The following ANO2 variants were observed in gnomAD, a reference collection of about 807,000 sequenced individuals.
ANO2 encodes anoctamin-2.
A neutral mutation model predicts 124.2 loss-of-function variants in ANO2; 101 were observed. That is an observed-to-expected ratio of 0.81 (90% CI 0.69 to 0.96). ANO2 has a LOEUF of 0.96. Ranked by LOEUF, ANO2 falls within the 40% of genes least tolerant of loss-of-function variation. ANO2 has a pLI of 0.00. For synonymous variants in ANO2, 486 were observed against 482.5 expected, an observed-to-expected ratio of 1.01 and a Z score of -0.09; for missense variants, 1,293 against 1,274.5, an observed-to-expected ratio of 1.01 and a Z score of -0.22.
intron 10 of ANO2, among the ~76,000 whole-genome samples, chr12:5,780,197 A>G (rs1426134960): frequency 2.0e-5 from 3 of 152,210 alleles, no homozygotes; most frequent in South Asian, 4.1e-4. Flanking sequence ...ATATACCTCT[A>G]TGCATATATT....
chr12:5,662,376 T>C (rs1263348727), intron 14 of ANO2, among the ~76,000 whole-genome samples: 1 of 152,088 alleles, frequency 6.6e-6, no homozygotes, highest in African/African-American at 2.4e-5. Context: ...CCAGGCTTCT[T>C]AGTGTGAAAA....
At chr12:5,578,316 C>G (rs757753138) in intron 21 of ANO2, 50 bp downstream of exon 21, 2 of 1,590,934 alleles carry the variant, frequency 1.3e-6, no homozygotes, top group Non-Finnish European at 8.6e-7. Flanking sequence ...CCAGAGGGGA[C>G]AGAATGGCAG....
intron 10 of ANO2, among the ~76,000 whole-genome samples, chr12:5,772,507 T>C (rs1952113074): frequency 1.3e-5 from 2 of 152,222 alleles, no homozygotes; most frequent in Non-Finnish European, 2.9e-5. Flanking sequence ...CATGTGAAAA[T>C]AGTAGATTTT....
At chr12:5,618,722 G>A (rs1944963926) in intron 16 of ANO2, among the ~76,000 whole-genome samples, 1 of 152,134 alleles carries the variant, frequency 6.6e-6, no homozygotes, top group Non-Finnish European at 1.5e-5. Flanking sequence ...TACTTGGCAG[G>A]TCACATTCAT....
chr12:5,724,784 G>C (rs1050067896), intron 14 of ANO2, among the ~76,000 whole-genome samples: 1 of 152,128 alleles, frequency 6.6e-6, no homozygotes, highest in Non-Finnish European at 1.5e-5. Context: ...GAGCACTGCA[G>C]GTGGCTTAGG....
chr12:5,922,610 C>CCCTAAA lies in ANO2; in HGVS notation c.207+9_207+10insTTTAGG. ...CCTATCCCCCCACCCCACCCCCGCC[C>CCCTAAA]AGTACTCACAGAGCTGCTGCGGGTG... On this transcript the variant is annotated intron_variant, in intron 2 of 24. Transcript: ENST00000682330. The CCCTAAA allele has an allele frequency of 2.0e-6, 3 of 1,525,496 alleles. No individual in the cohort carries two copies. Among genetic ancestry groups the CCCTAAA allele is most frequent in the Non-Finnish European group, 2.6e-6 (3 of 1,136,234 alleles). 94.5% of individuals were successfully genotyped at this position (1,525,496 alleles called of 1,614,324 possible).
At chr12:5,630,453 A>G (rs1945660460) in intron 16 of ANO2, among the ~76,000 whole-genome samples, 3 of 152,178 alleles carry the variant, frequency 2.0e-5, no homozygotes, top group Non-Finnish European at 4.4e-5. Context: ...GGAAACTTCA[A>G]GTCTCCTGAT....
chr12:5,666,176 G>T (rs1414520132), intron 14 of ANO2, among the ~76,000 whole-genome samples: 1 of 152,172 alleles, frequency 6.6e-6, no homozygotes, highest in East Asian at 1.9e-4. Context: ...GAAGGTTGAG[G>T]CTGGGAAAGA....
intron 7 of ANO2, among the ~76,000 whole-genome samples, chr12:5,825,843 C>T (rs1459504858): frequency 6.6e-6 from 1 of 152,152 alleles, no homozygotes; most frequent in Non-Finnish European, 1.5e-5. Flanking sequence ...ATGGCCCAGA[C>T]CCCTCAGGAA....
intron 17 of ANO2, among the ~76,000 whole-genome samples, chr12:5,613,227 GTA>G (rs796702972): frequency 7.2e-5 from 11 of 152,230 alleles, no homozygotes; most frequent in African/African-American, 2.6e-4. Flanking sequence ...GTGTGTGCGT[GTA>G]TGTGTGTGTG....
chr12:5,624,120 C>G (rs1185879409), intron 16 of ANO2, among the ~76,000 whole-genome samples: 1 of 152,174 alleles, frequency 6.6e-6, no homozygotes, highest in Non-Finnish European at 1.5e-5. Flanking sequence ...AAAGGTAACT[C>G]TTGCCCCTAT....
intron 4 of ANO2, among the ~76,000 whole-genome samples, chr12:5,847,835 T>C (rs1474375236): frequency 2.0e-5 from 3 of 152,226 alleles, no homozygotes; most frequent in Non-Finnish European, 2.9e-5. Context: ...CACTGATAAA[T>C]AATGCTTAAT....
At position 5,578,358 on chromosome 12, in the gene ANO2, G is replaced by A. The variant is rs79300954; in HGVS notation, c.2386+8C>T. 5.8e-4 allele frequency: 939 copies of A among 1,612,820 alleles called. 12 individuals carry two copies. In the East Asian group the frequency reaches 0.017, roughly 29 times the overall value. On this transcript the variant is annotated splice_region_variant and intron_variant, in intron 21 of 24. Coordinates refer to ENST00000682330, the MANE Select transcript of ANO2 (RefSeq NM_001364791.2). ...GGGCCTGGTGGGGCCTCTAAGTGGG[G>A]CACGTACCGATATCTTTGGTTCTTA...
intron 3 of ANO2, 54 bp from the exon 4 acceptor site, chr12:5,854,195 A>C: frequency 1.3e-6 from 2 of 1,504,224 alleles, no homozygotes; most frequent in Non-Finnish European, 1.8e-6. Context: ...CATAGCTTAA[A>C]CTCCTGGTTC....
At chr12:5,765,973 C>A (rs916921774) in intron 10 of ANO2, among the ~76,000 whole-genome samples, 2 of 152,178 alleles carry the variant, frequency 1.3e-5, no homozygotes, top group Admixed American at 1.3e-4. Context: ...CCTTAATCAT[C>A]AGGGAAATAC....
intron 14 of ANO2, among the ~76,000 whole-genome samples, chr12:5,680,132 T>C (rs1948428824): frequency 6.6e-6 from 1 of 152,134 alleles, no homozygotes; most frequent in Non-Finnish European, 1.5e-5. Flanking sequence ...CTGGGGCCTG[T>C]TGGTGGTGGT....
chr12:5,582,825 G>A (rs985184258), intron 20 of ANO2, among the ~76,000 whole-genome samples: 3 of 151,986 alleles, frequency 2.0e-5, no homozygotes, highest in Non-Finnish European at 2.9e-5. Flanking sequence ...TCTTCTGGTC[G>A]GCTGAGTAGG....
chr12:5,615,526 GTCC>G (rs1796437154), intron 16 of ANO2, among the ~76,000 whole-genome samples: 2 of 152,070 alleles, frequency 1.3e-5, no homozygotes, highest in African/African-American at 4.8e-5. Flanking sequence ...GTCTTTCTCC[GTCC>G]ACCTTCCTCC....
intron 5 of ANO2, 114 bp downstream of exon 5, chr12:5,832,338 C>T: frequency 8.1e-7 from 1 of 1,238,288 alleles, no homozygotes; most frequent in Non-Finnish European, 1.1e-6. Context: ...CCTACTCTCT[C>T]TCCCAGGCAC....
Sources: gnomAD v4.1 joint callset for allele counts (sites outside exome capture counted in the v4.1 genomes callset) on GRCh38, gnomAD v4.1.1 for gene constraint, MANE v1.5 for transcripts, NCBI Gene and HGNC (gene_info 2026-07-23, HGNC 2026-07-21) for gene names.